FOXP2: variants seen among roughly 807,000 people sequenced by gnomAD.
FOXP2 encodes forkhead box P2.
Under a neutral mutation model 115.8 loss-of-function variants are expected in FOXP2, and 12 were observed. That is an observed-to-expected ratio of 0.10 (90% CI 0.07 to 0.17). FOXP2 has a LOEUF of 0.17. Ranked by LOEUF, FOXP2 falls within the 10% of genes least tolerant of loss-of-function variation. FOXP2 has a pLI of 1.00. For synonymous variants in FOXP2, 328 were observed against 297.7 expected (o/e 1.10, Z -1.05); for missense variants, 629 against 843.5 (o/e 0.75, Z 3.15).
chr7:114,492,976 T>C (rs539522177), intron 2 of FOXP2, among the ~76,000 whole-genome samples: 20 of 152,218 alleles, frequency 1.3e-4, no homozygotes, highest in South Asian at 1.0e-3. Flanking sequence ...TTGTTAACTT[T>C]CTGTCTTGAT....
At chr7:114,462,962 C>G in intron 2 of FOXP2, 1 of 318,074 alleles carries the variant, frequency 3.1e-6, no homozygotes, top group South Asian at 2.4e-5. Flanking sequence ...TCAATCAATA[C>G]ATTAATTATA....
chr7:114,480,223 A>G (rs1057348692), intron 2 of FOXP2, among the ~76,000 whole-genome samples: 3 of 151,382 alleles, frequency 2.0e-5, no homozygotes, highest in African/African-American at 7.3e-5. Flanking sequence ...CCACTTAGAC[A>G]CTTGCCAAGG....
chr7:114,347,785 A>C (rs187161840), intron 2 of FOXP2, among the ~76,000 whole-genome samples: 1 of 152,170 alleles, frequency 6.6e-6, no homozygotes, highest in African/African-American at 2.4e-5. Context: ...AATTTGTTAG[A>C]GATTATCTAT....
intron 2 of FOXP2, among the ~76,000 whole-genome samples, chr7:114,520,110 G>A (rs1014477861): frequency 6.6e-6 from 1 of 152,026 alleles, no homozygotes; most frequent in African/African-American, 2.4e-5. Context: ...AAGTTACCTA[G>A]GTCCTTATCA....
chr7:114,310,331 C>T (rs1797118897), intron 2 of FOXP2, among the ~76,000 whole-genome samples: 1 of 152,188 alleles, frequency 6.6e-6, no homozygotes, highest in East Asian at 1.9e-4. Context: ...TAGGTCTAGG[C>T]TAGCTGGCTC....
At chr7:114,667,219 T>A (rs886954973) in intron 16 of FOXP2, 3 of 151,558 alleles carry the variant, frequency 2.0e-5, no homozygotes, top group African/African-American at 7.3e-5. Flanking sequence ...AGGCCAGGAG[T>A]TCAAGACCAG....
intron 2 of FOXP2, among the ~76,000 whole-genome samples, chr7:114,483,978 A>G (rs563059544): frequency 7.2e-5 from 11 of 151,888 alleles, no homozygotes; most frequent in African/African-American, 2.4e-4. Context: ...TTCCTACTCA[A>G]TTAAGCTTTA....
At chr7:114,602,090 T>A (rs1803063899) in intron 3 of FOXP2, among the ~76,000 whole-genome samples, 1 of 152,082 alleles carries the variant, frequency 6.6e-6, no homozygotes, top group Non-Finnish European at 1.5e-5. Context: ...GGTTTTAAAA[T>A]CCCCTACTTT....
intron 2 of FOXP2, among the ~76,000 whole-genome samples, chr7:114,481,009 C>T (rs982773375): frequency 2.0e-5 from 3 of 151,170 alleles, no homozygotes; most frequent in African/African-American, 7.3e-5. Context: ...AAAACTAAAA[C>T]CCTCTAAAGT....
intron 2 of FOXP2, among the ~76,000 whole-genome samples, chr7:114,378,759 G>T (rs1041668853): frequency 6.9e-5 from 10 of 144,642 alleles, no homozygotes; most frequent in African/African-American, 2.5e-4. Flanking sequence ...GCCTTCTGCT[G>T]TCTGGTACCT....
intron 3 of FOXP2, among the ~76,000 whole-genome samples, chr7:114,606,785 A>G (rs1245280996): frequency 2.0e-5 from 3 of 152,196 alleles, no homozygotes; most frequent in African/African-American, 4.8e-5. Flanking sequence ...GGTTTTCTGT[A>G]TTATATTAAC....
chr7:114,174,520 C>CT (rs1793235712), intron 1 of FOXP2, among the ~76,000 whole-genome samples: 1 of 151,982 alleles, frequency 6.6e-6, no homozygotes, highest in Admixed American at 6.6e-5. Context: ...GGAGAAATAG[C>CT]TTTTTTCTTC....
At chr7:114,534,769 G>T (rs1799299125) in intron 3 of FOXP2, 63 bp downstream of exon 3, 5 of 1,259,654 alleles carry the variant, frequency 4.0e-6, no homozygotes, top group Non-Finnish European at 5.8e-6. Flanking sequence ...GATAACAGAT[G>T]TGCAGACCCA....
intron 1 of FOXP2, among the ~76,000 whole-genome samples, chr7:114,196,675 A>G (rs546196665): frequency 2.6e-5 from 4 of 152,198 alleles, no homozygotes; most frequent in African/African-American, 4.8e-5. Flanking sequence ...CAGAAATGCA[A>G]ATTTTGGGGA....
chr7:114,347,876 T>C (rs953809488), intron 2 of FOXP2, among the ~76,000 whole-genome samples: 2 of 152,084 alleles, frequency 1.3e-5, no homozygotes, highest in Non-Finnish European at 2.9e-5. Context: ...ATGCATATTA[T>C]TTAAAAATCT....
intron 8 of FOXP2, among the ~76,000 whole-genome samples, chr7:114,646,110 ATGT>A (rs1278210012): frequency 6.6e-6 from 1 of 150,716 alleles, no homozygotes. Context: ...GAACATAGGG[ATGT>A]TATTTTAACA....
chr7:114,330,175 T>A (rs1797665016), intron 2 of FOXP2, among the ~76,000 whole-genome samples: 1 of 152,182 alleles, frequency 6.6e-6, no homozygotes, highest in African/African-American at 2.4e-5. Flanking sequence ...TGCTTTCATT[T>A]ACTTATTTTA....
chr7:114,250,424 T>C (rs1282357218), intron 1 of FOXP2, among the ~76,000 whole-genome samples: 1 of 152,168 alleles, frequency 6.6e-6, no homozygotes, highest in African/African-American at 2.4e-5. Flanking sequence ...AGTATAAAAG[T>C]ATTCCTGTTT....
At chr7:114,644,412 A>G (rs1805754454) in intron 7 of FOXP2, among the ~76,000 whole-genome samples, 1 of 152,220 alleles carries the variant, frequency 6.6e-6, no homozygotes, top group South Asian at 2.1e-4. Context: ...CATTAAGGTC[A>G]TAAGGCAGGA....
Sources: allele counts gnomAD v4.1 joint callset (sites outside exome capture counted in the v4.1 genomes callset), GRCh38; gene constraint gnomAD v4.1.1; transcripts MANE v1.5; gene names NCBI Gene and HGNC (gene_info 2026-07-23, HGNC 2026-07-21).